Variants in SWT1 observed in about 807,000 individuals in gnomAD.
SWT1 encodes the protein SWT1 RNA endoribonuclease homolog, also known as transcriptional protein SWT1.
SWT1 carries 33 observed loss-of-function variants against 107.3 expected under a neutral mutation model. The ratio of observed to expected loss-of-function variants is 0.31; its 90% CI spans 0.23 to 0.41. The LOEUF (loss-of-function observed/expected upper bound fraction) is 0.41. Ranked by LOEUF, SWT1 falls within the 10% of genes least tolerant of loss-of-function variation. The pLI is 1.00. For missense variants in SWT1, 898 were observed against 1,028.9 expected (o/e 0.87, Z 1.74); for synonymous variants, 345 against 348.3 (o/e 0.99, Z 0.11).
intron 4 of SWT1, chr1:185,171,418 G>A (rs952984587): frequency 8.6e-6 from 2 of 232,116 alleles, no homozygotes; most frequent in South Asian, 5.2e-5. Context: ...TAGCAGTTAC[G>A]CACGTCCAAT....
chr1:185,200,918 G>A (rs1263339264), intron 10 of SWT1, among the ~76,000 whole-genome samples: 1 of 152,194 alleles, frequency 6.6e-6, no homozygotes, highest in African/African-American at 2.4e-5. Context: ...CCTGAGTGGG[G>A]CTGCTACCTT....
rs552528879 is a variant in SWT1 at position 185,174,757 on chromosome 1, G to A, written c.610G>A (p.Glu204Lys). The A allele has an allele frequency of 1.8e-5, 29 of 1,611,214 alleles. 1 individual carries two copies. The highest frequency in any genetic ancestry group is 6.7e-5 in the Admixed American group (4 of 59,396). ...FRDNSEKCVL[E>K]KWKRNQFSQD... ...AGACAATTCTGAAAAATGTGTCTTA[G>A]AGAAATGGAAGAGAAATCAATTTTC... Residue 204 changes from glutamate to lysine, a missense_variant, in exon 5 of 19, where the codon GAG becomes AAG. Glu to Lys is a moderately conservative substitution (Grantham distance 56). Around this residue, in one of 6 missense-constraint regions of SWT1, gnomAD observed 382 missense variants for 362.4 expected, o/e 1.05. Coordinates refer to ENST00000367500, the MANE Select transcript of SWT1 (RefSeq NM_017673.7).
intron 1 of SWT1, among the ~76,000 whole-genome samples, chr1:185,158,423 T>C (rs1221090024): frequency 2.0e-5 from 3 of 151,864 alleles, no homozygotes; most frequent in Non-Finnish European, 4.4e-5. Flanking sequence ...GGCTCAACAG[T>C]CAATTAAAAA....
intron 16 of SWT1, among the ~76,000 whole-genome samples, chr1:185,270,011 A>T (rs1180749388): frequency 1.3e-5 from 2 of 152,248 alleles, no homozygotes; most frequent in Non-Finnish European, 2.9e-5. Flanking sequence ...TGATGATGAT[A>T]GTTGTTACTG....
At chr1:185,278,342 G>A (rs553133735) in intron 18 of SWT1, among the ~76,000 whole-genome samples, 4 of 152,264 alleles carry the variant, frequency 2.6e-5, no homozygotes, top group South Asian at 2.1e-4. Flanking sequence ...CACAGAGAAG[G>A]CACCATCTGT....
At chr1:185,242,450 G>A (rs984708115) in intron 16 of SWT1, among the ~76,000 whole-genome samples, 2 of 151,930 alleles carry the variant, frequency 1.3e-5, no homozygotes, top group African/African-American at 2.4e-5. Context: ...CCCAGCATTT[G>A]TCATTCAAGA....
chr1:185,193,672 G>A (rs1253242880), intron 10 of SWT1, among the ~76,000 whole-genome samples: 6 of 152,074 alleles, frequency 3.9e-5, no homozygotes, highest in East Asian at 3.9e-4. Context: ...TCACCATGTT[G>A]GCCAGGATGA....
intron 16 of SWT1, among the ~76,000 whole-genome samples, chr1:185,237,173 C>G (rs1212466623): frequency 6.6e-6 from 1 of 152,156 alleles, no homozygotes; most frequent in Non-Finnish European, 1.5e-5. Flanking sequence ...TCTAGAAATA[C>G]CATTTGACCC....
chr1:185,269,068 G>T (rs1663633193), intron 16 of SWT1, among the ~76,000 whole-genome samples: 1 of 151,972 alleles, frequency 6.6e-6, no homozygotes. Context: ...TAGCCAGGAT[G>T]GTCTCGATCT....
At chr1:185,184,955 C>T (rs758716171) in intron 9 of SWT1, 24 bp downstream of exon 9, 21 of 1,403,978 alleles carry the variant, frequency 1.5e-5, no homozygotes, top group African/African-American at 6.0e-5. Context: ...TCTCAGAGTG[C>T]CTCCTGATTA....
chr1:185,267,590 A>C (rs532971318), intron 16 of SWT1, among the ~76,000 whole-genome samples: 1 of 152,346 alleles, frequency 6.6e-6, no homozygotes, highest in African/African-American at 2.4e-5. Flanking sequence ...ACTTGAGGAT[A>C]ATGGACCATG....
chr1:185,220,550 T>G (rs1659579021), intron 14 of SWT1, among the ~76,000 whole-genome samples: 2 of 152,150 alleles, frequency 1.3e-5, no homozygotes. Context: ...CTATTTCATC[T>G]CCTAAGACTT....
chr1:185,161,870 A>G (rs1654176291), intron 2 of SWT1, among the ~76,000 whole-genome samples: 1 of 152,124 alleles, frequency 6.6e-6, no homozygotes, highest in Non-Finnish European at 1.5e-5. Flanking sequence ...TCAGTATTAG[A>G]GAGTGTTTAT....
chr1:185,165,767 G>A (rs899479815), intron 2 of SWT1, among the ~76,000 whole-genome samples: 1 of 152,114 alleles, frequency 6.6e-6, no homozygotes, highest in Non-Finnish European at 1.5e-5. Flanking sequence ...CTACTCCATG[G>A]CCTCCTTGCT....
rs1480828971 is a variant in SWT1, at chr1:185,253,497, A to G, written c.2442-17826A>G. 6.6e-5 allele frequency among the ~76,000 whole-genome samples: 10 copies of G among 150,876 alleles called. No homozygotes were observed. In the South Asian group the frequency reaches 2.1e-3, roughly 32 times the overall value. On this transcript the variant is annotated intron_variant, in intron 16 of 18. Coordinates refer to ENST00000367500, the MANE Select transcript of SWT1 (RefSeq NM_017673.7). ...GTAGTTCTCCTTGAAGAGGTCCTTC[A>G]CATCCCTTGTAAGTTGGATTCCTAG...
rs550102759 is a variant in SWT1, at chr1:185,225,467, A to C, written c.2309+3431A>C. Among the ~76,000 whole-genome samples the C allele has an allele frequency of 2.0e-5, 3 of 152,292 alleles. No homozygotes were observed. In the East Asian group the frequency reaches 5.8e-4, roughly 29 times the overall value. ...ATTCCTGCTTCTTCAATTTTCTAGA[A>C]TAGTTTGAGGAAAATTGGTATTAAT... On this transcript the variant is annotated intron_variant, in intron 15 of 18. Coordinates refer to ENST00000367500, the MANE Select transcript of SWT1 (RefSeq NM_017673.7).
At chr1:185,238,788 C>G (rs1471129232) in intron 16 of SWT1, among the ~76,000 whole-genome samples, 11 of 151,616 alleles carry the variant, frequency 7.3e-5, no homozygotes, top group Non-Finnish European at 1.3e-4. Context: ...ATTATTTTTT[C>G]AAGTGTACAT....
chr1:185,258,654 TC>T (rs1662797620), intron 16 of SWT1, among the ~76,000 whole-genome samples: 1 of 152,192 alleles, frequency 6.6e-6, no homozygotes, highest in Admixed American at 6.5e-5. Context: ...TCTTCTGTCC[TC>T]TTGGAAATGG....
intron 15 of SWT1, among the ~76,000 whole-genome samples, chr1:185,222,789 C>CAAAAAAAAAAAAAAAAAAAAAAAAAAAAA (rs1659767088): frequency 1.5e-5 from 2 of 132,974 alleles, no homozygotes; most frequent in Admixed American, 7.5e-5. Flanking sequence ...AAAAAAAAAT[C>CAAAAAAAAAAAAAAAAAAAAAAAAAAAAA]AAAAGCCTCT....
Sources: gnomAD v4.1 joint callset for allele counts (sites outside exome capture counted in the v4.1 genomes callset) on GRCh38, gnomAD v4.1.1 for gene constraint, gnomAD v4.1.1 regional missense constraint, MANE v1.5 for transcripts, NCBI Gene and HGNC (gene_info 2026-07-23, HGNC 2026-07-21) for gene names.